Variants in NRXN3 observed in about 807,000 individuals in gnomAD.
NRXN3 encodes neurexin III.
Under a neutral mutation model 137.6 loss-of-function variants are expected in NRXN3, and 32 were observed. That is an observed-to-expected ratio of 0.23 (90% CI 0.18 to 0.31). NRXN3 has a LOEUF of 0.31. NRXN3 is among the 10% of genes least tolerant of loss of function. The pLI is 1.00. For missense variants in NRXN3, 1,574 were observed against 2,062.5 expected (o/e 0.76, Z 4.59); for synonymous variants, 798 against 784.5 (o/e 1.02, Z -0.29).
At chr14:79,796,294 G>A (rs1246818308) in intron 19 of NRXN3, among the ~76,000 whole-genome samples, 2 of 152,070 alleles carry the variant, frequency 1.3e-5, no homozygotes, top group Non-Finnish European at 2.9e-5. Flanking sequence ...GGATTTAGAG[G>A]GATTTGCTTA....
intron 19 of NRXN3, among the ~76,000 whole-genome samples, chr14:79,778,736 A>C (rs959147352): frequency 6.6e-6 from 1 of 152,148 alleles, no homozygotes; most frequent in African/African-American, 2.4e-5. Flanking sequence ...TTTAAAAAAA[A>C]CATTGTTCAA....
chr14:78,569,779 C>G (rs1600637245), intron 4 of NRXN3, among the ~76,000 whole-genome samples: 1 of 151,920 alleles, frequency 6.6e-6, no homozygotes, highest in East Asian at 1.9e-4. Flanking sequence ...AGGCTGGTCT[C>G]AAACTCCTGA....
chr14:78,299,707 C>T (rs1056539377), intron 4 of NRXN3, among the ~76,000 whole-genome samples: 2 of 152,160 alleles, frequency 1.3e-5, no homozygotes, highest in African/African-American at 4.8e-5. Context: ...AATCCCAACA[C>T]TGGTATGAAA....
intron 4 of NRXN3, among the ~76,000 whole-genome samples, chr14:78,339,433 G>A (rs1452529920): frequency 1.3e-5 from 2 of 152,258 alleles, no homozygotes; most frequent in Admixed American, 6.5e-5. Flanking sequence ...TAGAGAGGAG[G>A]TGCACATATA....
intron 15 of NRXN3, among the ~76,000 whole-genome samples, chr14:79,081,411 C>T (rs113743862): frequency 0.062 from 9,364 of 151,896 alleles, 873 homozygotes; most frequent in African/African-American, 0.2. Context: ...GTCAGGAGAC[C>T]GAGACCATCC....
chr14:78,233,466 T>G (rs8009291), intron 1 of NRXN3, among the ~76,000 whole-genome samples: 2 of 152,056 alleles, frequency 1.3e-5, no homozygotes, highest in African/African-American at 4.8e-5. Context: ...TTGTATTGTA[T>G]TCCATGTATA....
rs554992208 is a variant in NRXN3, at chr14:79,006,912, A to G, written c.3262+18771A>G. On this transcript the variant is annotated intron_variant, in intron 15 of 20. Transcript: ENST00000335750. ...GCCCCATCTCCAGACTTCTAGCTAA[A>G]TGAAGTACTACAGGGCTCTGATTCT... 2.0e-5 allele frequency among the ~76,000 whole-genome samples: 3 copies of G among 152,318 alleles called. No individual in the cohort carries two copies. The Middle Eastern group carries it at 0.01, about 518-fold the overall frequency.
At chr14:78,845,373 A>G (rs1321216570) in intron 10 of NRXN3, among the ~76,000 whole-genome samples, 1 of 152,100 alleles carries the variant, frequency 6.6e-6, no homozygotes, top group African/African-American at 2.4e-5. Flanking sequence ...ATAACAACGT[A>G]ATTTAAGGCA....
intron 4 of NRXN3, among the ~76,000 whole-genome samples, chr14:78,532,732 T>A (rs1295881796): frequency 6.7e-6 from 1 of 150,196 alleles, no homozygotes; most frequent in Non-Finnish European, 1.5e-5. Flanking sequence ...TATCTTCGCT[T>A]TCTTCTTCTT....
chr14:79,832,506 G>A (rs1476187378), intron 20 of NRXN3, among the ~76,000 whole-genome samples: 5 of 152,134 alleles, frequency 3.3e-5, no homozygotes, highest in Non-Finnish European at 7.4e-5. Flanking sequence ...TTTGTCCCCA[G>A]GGGACATATT....
chr14:79,612,120 T>C (rs1175078433), intron 16 of NRXN3, among the ~76,000 whole-genome samples: 1 of 152,236 alleles, frequency 6.6e-6, no homozygotes, highest in African/African-American at 2.4e-5. Context: ...AATGCTAATG[T>C]CAATGCCTAG....
chr14:79,504,655 G>GTATATATATATATATATA lies in NRXN3; in HGVS notation c.3444+37256_3444+37273dup, dbSNP rs994714026. Among the ~76,000 whole-genome samples the GTATATATATATATATATA allele has an allele frequency of 3.3e-3, 342 of 104,178 alleles. 8 individuals are homozygous for GTATATATATATATATATA. The highest frequency in any genetic ancestry group is 0.011 in the African/African-American group (324 of 29,150). The allele number at this position is 104,178 out of a possible 152,430, so 68.3% of individuals were successfully genotyped here. On this transcript the variant is annotated intron_variant, in intron 16 of 20. Coordinates refer to ENST00000335750, the MANE Select transcript of NRXN3 (RefSeq NM_001330195.2). Reference sequence around the variant, plus strand: ...AATGAAGTTTTTTATATATATATATGTATATATATATATATATATAAAACA... The same window carrying GTATATATATATATATATA: ...AATGAAGTTTTTTATATATATATATGTATATATATATATATATATATATATATATATATATATAAAACA...
intron 20 of NRXN3, among the ~76,000 whole-genome samples, chr14:79,857,370 A>C (rs886943340): frequency 7.2e-5 from 11 of 151,958 alleles, no homozygotes; most frequent in South Asian, 4.2e-4. Flanking sequence ...TACAGGTGCC[A>C]GCCACTATGC....
intron 4 of NRXN3, among the ~76,000 whole-genome samples, chr14:78,607,552 C>G (rs1477459566): frequency 6.6e-6 from 1 of 152,128 alleles, no homozygotes; most frequent in African/African-American, 2.4e-5. Context: ...TATCGTGCAC[C>G]TGCTATTTGC....
chr14:78,211,451 G>A (rs997053953), intron 1 of NRXN3, among the ~76,000 whole-genome samples: 17 of 152,376 alleles, frequency 1.1e-4, no homozygotes, highest in Admixed American at 9.8e-4. Flanking sequence ...GGTCTGCCAA[G>A]GGAGTGGAGT....
intron 10 of NRXN3, among the ~76,000 whole-genome samples, chr14:78,895,637 A>G (rs1567637483): frequency 6.6e-6 from 1 of 151,928 alleles, no homozygotes; most frequent in Non-Finnish European, 1.5e-5. Context: ...ACTGTTTGGC[A>G]CAAGAAGCCT....
At chr14:79,504,180 C>A (rs773655071) in intron 16 of NRXN3, among the ~76,000 whole-genome samples, 6 of 152,154 alleles carry the variant, frequency 3.9e-5, no homozygotes, top group Non-Finnish European at 5.9e-5. Context: ...TAGATGAAGA[C>A]CAAACCTCTA....
intron 10 of NRXN3, among the ~76,000 whole-genome samples, chr14:78,832,620 T>C (rs1026098619): frequency 6.6e-6 from 1 of 151,986 alleles, no homozygotes; most frequent in African/African-American, 2.4e-5. Flanking sequence ...AGAGGGTTAA[T>C]TAATGCATAA....
intron 10 of NRXN3, among the ~76,000 whole-genome samples, chr14:78,848,601 A>G (rs1410897047): frequency 1.3e-5 from 2 of 152,206 alleles, no homozygotes; most frequent in Admixed American, 6.5e-5. Context: ...GCATGTTCAG[A>G]TGAAATAATA....
Sources: allele counts gnomAD v4.1 joint callset (sites outside exome capture counted in the v4.1 genomes callset), GRCh38; gene constraint gnomAD v4.1.1; transcripts MANE v1.5; gene names NCBI Gene and HGNC (gene_info 2026-07-23, HGNC 2026-07-21).